AGPAT4: variants seen among roughly 807,000 people sequenced by gnomAD.
AGPAT4 encodes 1-acylglycerol-3-phosphate O-acyltransferase 4, also known as 1-acyl-sn-glycerol-3-phosphate acyltransferase delta.
A neutral mutation model predicts 48.0 loss-of-function variants in AGPAT4; 15 were observed. The observed-to-expected ratio is 0.31, with a 90% CI of 0.21 to 0.48. AGPAT4 has a LOEUF of 0.48. Among genes scored for constraint, AGPAT4 ranks in the 20% least tolerant of loss-of-function variants. The probability of loss-of-function intolerance (pLI) is 0.99; values close to 1 mark genes in which losing one functional copy is unlikely to be tolerated. For missense variants in AGPAT4, 314 were observed against 482.5 expected (o/e 0.65, Z 3.27); for synonymous variants, 178 against 198.7 (o/e 0.90, Z 0.88).
chr6:161,136,565 T>G lies in AGPAT4; in HGVS notation c.1112A>C (p.Asp371Ala), dbSNP rs1489646860. 1 of 1,614,178 alleles carries G rather than the reference T, an allele frequency of 6.2e-7. No individual in the cohort carries two copies. Among genetic ancestry groups the G allele is most frequent in the Non-Finnish European group, 8.5e-7 (1 of 1,180,028 alleles). Reference sequence around the variant, plus strand: ...TCAGTCATTCAGTTTCTGCTTGCTGTCAGAGTTGCCGTAGGCAGAGCCCTT... The same window carrying G: ...TCAGTCATTCAGTTTCTGCTTGCTGGCAGAGTTGCCGTAGGCAGAGCCCTT... ...IDKGSAYGNS[D>A]SKQKLND is the part of the protein sequence containing the mutation. Residue 371 changes from aspartate to alanine, a missense_variant, in exon 9 of 9, where the codon GAC becomes GCC. Coordinates refer to ENST00000320285, the MANE Select transcript of AGPAT4 (RefSeq NM_020133.3).
rs994970856 is a variant in AGPAT4, at chr6:161,171,037, A to G, written c.179-4620T>C. On this transcript the variant is annotated intron_variant, in intron 2 of 8. Coordinates refer to ENST00000320285, the MANE Select transcript of AGPAT4 (RefSeq NM_020133.3). This position sits in a 1 kb window ranked among gnomAD's most constrained non-coding sequence, Gnocchi z 4.4. ...TTAGAACCTCCAATTTAACTCAGAAAGTTACCAGTGGGCACCTGAGCAATC... is the reference window on the plus strand; with the variant it reads ...TTAGAACCTCCAATTTAACTCAGAAGGTTACCAGTGGGCACCTGAGCAATC... Among the ~76,000 whole-genome samples, 2 of 152,184 alleles carry G rather than the reference A, an allele frequency of 1.3e-5. No homozygotes were observed. Among genetic ancestry groups the G allele is most frequent in the Admixed American group, 1.3e-4 (2 of 15,276 alleles).
rs1782133108 is a variant in AGPAT4, at chr6:161,231,897, C to T, written c.178+139G>A. 5 of 815,964 alleles carry T rather than the reference C, an allele frequency of 6.1e-6. No individual in the cohort carries two copies. In the South Asian group the frequency reaches 1.2e-4, roughly 19 times the overall value. 50.5% of individuals were successfully genotyped at this position (815,964 alleles called of 1,614,324 possible). A position where few individuals can be genotyped will look rare whatever the true frequency, so the allele number is the denominator to read the frequency against. ...TTTGGGGGATTGAGAACAAAATAGC[C>T]ATTTCAAACCTAAAACAAAAACAAA... On this transcript the variant is annotated intron_variant, in intron 2 of 8. Coordinates refer to ENST00000320285, the MANE Select transcript of AGPAT4 (RefSeq NM_020133.3). The surrounding 1 kb of genome is among the most constrained non-coding windows in gnomAD (Gnocchi z 5.3).
rs1322340242 is a variant in AGPAT4, at chr6:161,242,002, G to C, written c.-89-9700C>G. Among the ~76,000 whole-genome samples the C allele has an allele frequency of 6.6e-6, 1 of 152,192 alleles. No individual in the cohort carries two copies. The highest frequency in any genetic ancestry group is 1.5e-5 in the Non-Finnish European group (1 of 68,044). On this transcript the variant is annotated intron_variant, in intron 1 of 8. Transcript: ENST00000320285. The surrounding 1 kb of genome is among the most constrained non-coding windows in gnomAD (Gnocchi z 5.0). ...CCTGCCTCAGCCTTCCAAAGTGCTG[G>C]GATTACAGGCGTGAGCCACAGCACC...
In AGPAT4 at chr6:161,238,360, T is replaced by C. The variant is rs1264744029; in HGVS notation, c.-89-6058A>G. On this transcript the variant is annotated intron_variant, in intron 1 of 8. Transcript: ENST00000320285. The surrounding 1 kb of genome is among the most constrained non-coding windows in gnomAD (Gnocchi z 5.2). The stretch of plus-strand genomic sequence containing the variant: ...CCCCAAGTAATGGGGGATTTTTCTA[T>C]CATTTGCAAGAAGGCAAAGAAGGAG... 6.6e-6 allele frequency among the ~76,000 whole-genome samples: 1 copy of C among 152,196 alleles called. No homozygotes were observed. The highest frequency in any genetic ancestry group is 1.9e-4 in the East Asian group (1 of 5,194).
Position 161,233,381 on chromosome 6 carries a change from C to G in AGPAT4, c.-89-1079G>C, listed in dbSNP as rs1782180607. On this transcript the variant is annotated intron_variant, in intron 1 of 8. Coordinates refer to ENST00000320285, the MANE Select transcript of AGPAT4 (RefSeq NM_020133.3). The surrounding 1 kb of genome is among the most constrained non-coding windows in gnomAD (Gnocchi z 5.4). ...CCTGGAAGCAGAAGAGCCTGGCAGACTACCCCAGGAAGACGTCTAATGTTA... is the reference window on the plus strand; with the variant it reads ...CCTGGAAGCAGAAGAGCCTGGCAGAGTACCCCAGGAAGACGTCTAATGTTA... Among the ~76,000 whole-genome samples, 1 of 152,200 alleles carries G rather than the reference C, an allele frequency of 6.6e-6. No individual in the cohort carries two copies. The highest frequency in any genetic ancestry group is 2.4e-5 in the African/African-American group (1 of 41,452).
intron 3 of AGPAT4, among the ~76,000 whole-genome samples, chr6:161,156,729 T>C (rs1419539932): frequency 1.3e-5 from 2 of 152,252 alleles, no homozygotes; most frequent in African/African-American, 4.8e-5. Context: ...ATGTTCATGA[T>C]GGCCATAACA....
rs578130402 is a variant in AGPAT4, at chr6:161,200,649, T to C, written c.178+31387A>G. Among the ~76,000 whole-genome samples, 1 of 152,340 alleles carries C rather than the reference T, an allele frequency of 6.6e-6. No homozygotes were observed. The highest frequency in any genetic ancestry group is 2.1e-4 in the South Asian group (1 of 4,828). On this transcript the variant is annotated intron_variant, in intron 2 of 8. Transcript: ENST00000320285. The surrounding 1 kb of genome is among the most constrained non-coding windows in gnomAD (Gnocchi z 5.5). ...TCTTTTCTTCAATAATCATATTTAC[T>C]ATGTTGACTAGGGACACCATAGGTC... is the stretch of plus-strand genomic sequence containing the variant.
intron 1 of AGPAT4, among the ~76,000 whole-genome samples, chr6:161,271,094 T>C (rs1783409281): frequency 6.6e-6 from 1 of 152,226 alleles, no homozygotes; most frequent in African/African-American, 2.4e-5. Context: ...CTTCTTTTTC[T>C]GATTAAGAAA....
chr6:161,193,406 G>A (rs1255760547), intron 2 of AGPAT4, among the ~76,000 whole-genome samples: 1 of 152,198 alleles, frequency 6.6e-6, no homozygotes, highest in Middle Eastern at 3.2e-3. Flanking sequence ...CACATGCTCA[G>A]TCCAAGACTA....
chr6:161,157,337 A>C (rs1406412227), intron 3 of AGPAT4, among the ~76,000 whole-genome samples: 1 of 152,214 alleles, frequency 6.6e-6, no homozygotes, highest in African/African-American at 2.4e-5. Context: ...TTTGAGACAG[A>C]GTTTTGCTCT....
In AGPAT4 at chr6:161,177,054, T is replaced by C. The variant is rs1274488362; in HGVS notation, c.179-10637A>G. Among the ~76,000 whole-genome samples, 1 of 152,236 alleles carries C rather than the reference T, an allele frequency of 6.6e-6. No individual in the cohort carries two copies. The highest frequency in any genetic ancestry group is 6.5e-5 in the Admixed American group (1 of 15,282). On this transcript the variant is annotated intron_variant, in intron 2 of 8. Coordinates refer to ENST00000320285, the MANE Select transcript of AGPAT4 (RefSeq NM_020133.3). The surrounding 1 kb of genome is among the most constrained non-coding windows in gnomAD (Gnocchi z 5.0). ...TTCCTTTTGTGGGTAAATTGATCTT[T>C]CTCTCTGACTGCCCTTAACATTTTT...
At position 161,240,710 on chromosome 6, in the gene AGPAT4, A is replaced by G. The variant is rs1782458719; in HGVS notation, c.-89-8408T>C. ...AGGAGAAAGGAGGGAGCTGGTGTCCAGCACACACTACATTCAGATTGCCAG... is the reference window on the plus strand; with the variant it reads ...AGGAGAAAGGAGGGAGCTGGTGTCCGGCACACACTACATTCAGATTGCCAG... On this transcript the variant is annotated intron_variant, in intron 1 of 8. Coordinates refer to ENST00000320285, the MANE Select transcript of AGPAT4 (RefSeq NM_020133.3). The surrounding 1 kb of genome is among the most constrained non-coding windows in gnomAD (Gnocchi z 5.5). Among the ~76,000 whole-genome samples, 2 of 152,158 alleles carry G rather than the reference A, an allele frequency of 1.3e-5. No individual in the cohort carries two copies. Among genetic ancestry groups the G allele is most frequent in the Admixed American group, 6.6e-5 (1 of 15,266 alleles).
rs557957871 is a variant in AGPAT4, at chr6:161,255,799, G to A, written c.-90+18139C>T. 1.3e-5 allele frequency among the ~76,000 whole-genome samples: 2 copies of A among 152,272 alleles called. No individual in the cohort carries two copies. The highest frequency in any genetic ancestry group is 1.3e-4 in the Admixed American group (2 of 15,302). On this transcript the variant is annotated intron_variant, in intron 1 of 8. Transcript: ENST00000320285. The surrounding 1 kb of genome is among the most constrained non-coding windows in gnomAD (Gnocchi z 4.7). Reference sequence around the variant, plus strand: ...AAATGCTCTCAAAGTAGATAGTGGTGATGGTCGCACAACCATGAATATACA... The same window carrying A: ...AAATGCTCTCAAAGTAGATAGTGGTAATGGTCGCACAACCATGAATATACA...
chr6:161,185,447 C>T (rs1780743710), intron 2 of AGPAT4, among the ~76,000 whole-genome samples: 1 of 152,122 alleles, frequency 6.6e-6, no homozygotes, highest in African/African-American at 2.4e-5. Context: ...TGAGCCACCA[C>T]ACCTGGCCAA....
At position 161,146,673 on chromosome 6, in the gene AGPAT4, T is replaced by G. The variant is rs1295572295; in HGVS notation, c.768-74A>C. The G allele has an allele frequency of 6.9e-7, 1 of 1,439,032 alleles. No homozygotes were observed. Among genetic ancestry groups the G allele is most frequent in the Non-Finnish European group, 9.7e-7 (1 of 1,028,116 alleles). 89.1% of individuals were successfully genotyped at this position (1,439,032 alleles called of 1,614,324 possible). ...AACATACAGTTTCCAGTAACGGTGC[T>G]GCCGTTTTTTGTTTTTATCTGGGTC... On this transcript the variant is annotated intron_variant, in intron 6 of 8. Transcript: ENST00000320285. This position sits in a 1 kb window ranked among gnomAD's most constrained non-coding sequence, Gnocchi z 7.1.
chr6:161,236,596 G>T lies in AGPAT4; in HGVS notation c.-89-4294C>A, dbSNP rs1782283937. Reference sequence around the variant, plus strand: ...GGGGCAGACAAGTGACCCGATGAGGGCTTAAAGCAGTAAAAGGAAAGGGGA... The same window carrying T: ...GGGGCAGACAAGTGACCCGATGAGGTCTTAAAGCAGTAAAAGGAAAGGGGA... On this transcript the variant is annotated intron_variant, in intron 1 of 8. Coordinates refer to ENST00000320285, the MANE Select transcript of AGPAT4 (RefSeq NM_020133.3). This position sits in a 1 kb window ranked among gnomAD's most constrained non-coding sequence, Gnocchi z 5.0. Among the ~76,000 whole-genome samples the T allele has an allele frequency of 6.6e-6, 1 of 152,090 alleles. No individual in the cohort carries two copies. The highest frequency in any genetic ancestry group is 2.1e-4 in the South Asian group (1 of 4,824).
chr6:161,263,365 C>T (rs1380438346), intron 1 of AGPAT4, among the ~76,000 whole-genome samples: 1 of 152,116 alleles, frequency 6.6e-6, no homozygotes, highest in Non-Finnish European at 1.5e-5. Flanking sequence ...GTGGCGGGCA[C>T]CTGTAATCCC....
At chr6:161,156,328 T>C (rs1779768123) in intron 3 of AGPAT4, among the ~76,000 whole-genome samples, 1 of 152,204 alleles carries the variant, frequency 6.6e-6, no homozygotes, top group African/African-American at 2.4e-5. Context: ...CATGTGCCTA[T>C]TGTCTGCAGC....
intron 2 of AGPAT4, among the ~76,000 whole-genome samples, chr6:161,213,935 G>C (rs1187295114): frequency 6.6e-6 from 1 of 152,090 alleles, no homozygotes; most frequent in African/African-American, 2.4e-5. Flanking sequence ...TGGGGGTGTT[G>C]GGGAATGTGA....
Sources: gnomAD v4.1 joint callset for allele counts (sites outside exome capture counted in the v4.1 genomes callset) on GRCh38, gnomAD v4.1.1 for gene constraint, Gnocchi (gnomAD v3.1) non-coding constraint, MANE v1.5 for transcripts, NCBI Gene and HGNC (gene_info 2026-07-23, HGNC 2026-07-21) for gene names.